NME7: variants seen among roughly 807,000 people sequenced by gnomAD.
The protein encoded by NME7 is nucleoside diphosphate kinase 7.
Under a neutral mutation model 49.1 loss-of-function variants are expected in NME7, and 41 were observed. That is an observed-to-expected ratio of 0.83 (90% confidence interval 0.65 to 1.08). The LOEUF (loss-of-function observed/expected upper bound fraction) is 1.08. Ranked by LOEUF, NME7 falls within the 50% of genes least tolerant of loss-of-function variation. The pLI, the probability that NME7 is intolerant of heterozygous loss-of-function variation, is 0.00. For missense variants in NME7, 423 were observed against 463.4 expected, an observed-to-expected ratio of 0.91 and a Z score of 0.80; for synonymous variants, 139 against 150.6, an observed-to-expected ratio of 0.92 and a Z score of 0.56.
intron 10 of NME7, among the ~76,000 whole-genome samples, chr1:169,228,912 A>T (rs996193382): frequency 1.3e-5 from 2 of 152,114 alleles, no homozygotes; most frequent in African/African-American, 4.8e-5. Flanking sequence ...TATCACAACC[A>T]CATGTGTTAT....
intron 10 of NME7, among the ~76,000 whole-genome samples, chr1:169,229,029 T>C (rs1027423062): frequency 6.6e-6 from 1 of 152,224 alleles, no homozygotes; most frequent in African/African-American, 2.4e-5. Flanking sequence ...CCTCTGACTT[T>C]AATCTCTTCC....
intron 10 of NME7, among the ~76,000 whole-genome samples, chr1:169,175,514 G>T (rs1201890667): frequency 6.6e-6 from 1 of 152,128 alleles, no homozygotes; most frequent in African/African-American, 2.4e-5. Flanking sequence ...CAGCACAGTA[G>T]GTTTATTTAT....
intron 1 of NME7, among the ~76,000 whole-genome samples, chr1:169,332,061 T>C (rs926886296): frequency 3.3e-5 from 5 of 152,098 alleles, no homozygotes; most frequent in Admixed American, 3.3e-4. Flanking sequence ...ATTAACTGAC[T>C]TCAAATTATA....
intron 10 of NME7, 78 bp from the exon 11 acceptor site, chr1:169,169,632 C>T: frequency 8.1e-7 from 1 of 1,238,760 alleles, no homozygotes; most frequent in Admixed American, 1.8e-5. Flanking sequence ...ATATGAAACG[C>T]TAACTTATTT....
At chr1:169,152,767 G>A (rs541236892) in intron 11 of NME7, among the ~76,000 whole-genome samples, 7 of 152,122 alleles carry the variant, frequency 4.6e-5, no homozygotes, top group South Asian at 4.2e-4. Flanking sequence ...GAGTATACGC[G>A]TCCATTACTC....
At chr1:169,156,483 T>C (rs1188133485) in intron 11 of NME7, among the ~76,000 whole-genome samples, 2 of 152,220 alleles carry the variant, frequency 1.3e-5, no homozygotes, top group African/African-American at 4.8e-5. Flanking sequence ...CTATTTATTT[T>C]ATATGGATTT....
rs74121606 is a variant in NME7, at chr1:169,270,291, A to G, written c.754+17012T>C. Among the ~76,000 whole-genome samples the G allele has an allele frequency of 8.1e-4, 109 of 133,984 alleles. 10 individuals carry two copies. The highest frequency in any genetic ancestry group is 2.7e-3 in the African/African-American group (107 of 39,716). 87.9% of individuals were successfully genotyped at this position (133,984 alleles called of 152,430 possible). ...ATTTCAGGGTTCTACTACTCAATAAAAAGACTAAATTGTTTCTCCATTACA... is the reference window on the plus strand; with the variant it reads ...ATTTCAGGGTTCTACTACTCAATAAGAAGACTAAATTGTTTCTCCATTACA... On this transcript the variant is annotated intron_variant, in intron 7 of 11. Transcript: ENST00000367811.
intron 11 of NME7, among the ~76,000 whole-genome samples, chr1:169,133,885 G>T (rs539542503): frequency 2.3e-4 from 35 of 152,212 alleles, no homozygotes; most frequent in Non-Finnish European, 3.8e-4. Flanking sequence ...GAGGAAAGGG[G>T]AGCATTCATT....
At chr1:169,181,184 CCTAT>C (rs1012680483) in intron 10 of NME7, among the ~76,000 whole-genome samples, 50 of 148,938 alleles carry the variant, frequency 3.4e-4, no homozygotes, top group Admixed American at 2.0e-3. Flanking sequence ...TATCTACCTA[CCTAT>C]CTATAATTTA....
chr1:169,258,379 T>C lies in NME7; in HGVS notation c.755-20692A>G, dbSNP rs984695057. The stretch of plus-strand genomic sequence containing the variant: ...ATAAAATAAAATAAAATAAAACATA[T>C]ATATATATATATATATATATATATA... On this transcript the variant is annotated intron_variant, in intron 7 of 11. Coordinates refer to ENST00000367811, the MANE Select transcript of NME7 (RefSeq NM_013330.5). Among the ~76,000 whole-genome samples the C allele has an allele frequency of 7.0e-4, 38 of 54,338 alleles. 5 individuals are homozygous for C. In the Admixed American group the frequency reaches 8.2e-3, roughly 12 times the overall value. The allele number at this position is 54,338 out of a possible 152,430, so 35.6% of individuals were successfully genotyped here. A position where few individuals can be genotyped will look rare whatever the true frequency, so the allele number is the denominator to read the frequency against.
At chr1:169,307,748 G>A (rs139886641) in intron 4 of NME7, among the ~76,000 whole-genome samples, 102 of 152,218 alleles carry the variant, frequency 6.7e-4, no homozygotes, top group African/African-American at 2.3e-3. Context: ...AGCCAGGCGC[G>A]GTGGCTCATG....
At chr1:169,319,699 T>C (rs1364975353) in intron 3 of NME7, among the ~76,000 whole-genome samples, 2 of 152,186 alleles carry the variant, frequency 1.3e-5, no homozygotes, top group East Asian at 3.8e-4. Flanking sequence ...TAATTTTTCT[T>C]CTGAAAAACA....
chr1:169,190,731 A>T, intron 10 of NME7: 1 of 414,116 alleles, frequency 2.4e-6, no homozygotes, highest in Non-Finnish European at 4.8e-6. Flanking sequence ...ATATAAAAAA[A>T]GTGTAGGTTG....
chr1:169,228,955 T>C (rs934812226), intron 10 of NME7, among the ~76,000 whole-genome samples: 4 of 152,210 alleles, frequency 2.6e-5, no homozygotes, highest in Admixed American at 2.6e-4. Flanking sequence ...TGAAAAGATA[T>C]AAAGGAGGTC....
rs576963822 is a variant in NME7, at chr1:169,359,188, A to G, written c.3+8520T>C. Among the ~76,000 whole-genome samples, 4 of 152,258 alleles carry G rather than the reference A, an allele frequency of 2.6e-5. No homozygotes were observed. In the East Asian group the frequency reaches 7.7e-4, roughly 29 times the overall value. On this transcript the variant is annotated intron_variant, in intron 1 of 11. Transcript: ENST00000367811. The stretch of plus-strand genomic sequence containing the variant: ...CTCCAGTATATTTTAATTCATCTCT[A>G]AATTACTTACAACACGTAATACAAT...
chr1:169,249,031 G>T (rs1648445374), intron 7 of NME7, among the ~76,000 whole-genome samples: 1 of 152,018 alleles, frequency 6.6e-6, no homozygotes, highest in South Asian at 2.1e-4. Context: ...AATGATGTTG[G>T]TATTTTGATA....
At chr1:169,348,998 T>C (rs931499241) in intron 1 of NME7, among the ~76,000 whole-genome samples, 3 of 152,014 alleles carry the variant, frequency 2.0e-5, no homozygotes, top group African/African-American at 7.2e-5. Flanking sequence ...TACCGCTTTC[T>C]AGCGTATAAT....
chr1:169,146,093 C>T (rs1000308114), intron 11 of NME7, among the ~76,000 whole-genome samples: 2 of 152,160 alleles, frequency 1.3e-5, no homozygotes, highest in African/African-American at 4.8e-5. Context: ...TCTCACTCTC[C>T]CCGCTTTTAG....
chr1:169,353,106 T>C (rs1653239622), intron 1 of NME7, among the ~76,000 whole-genome samples: 1 of 151,780 alleles, frequency 6.6e-6, no homozygotes, highest in African/African-American at 2.4e-5. Context: ...AGTAAAAAGA[T>C]GAAAACTGAA....
Sources: gnomAD v4.1 joint callset for allele counts (sites outside exome capture counted in the v4.1 genomes callset) on GRCh38, gnomAD v4.1.1 for gene constraint, MANE v1.5 for transcripts, NCBI Gene and HGNC (gene_info 2026-07-23, HGNC 2026-07-21) for gene names.